Variants in LARP4B observed in about 807,000 individuals in gnomAD.
LARP4B encodes La ribonucleoprotein 4B.
Under a neutral mutation model 89.8 loss-of-function variants are expected in LARP4B, and 12 were observed. The ratio of observed to expected loss-of-function variants is 0.13; its 90% CI spans 0.09 to 0.22. The LOEUF (loss-of-function observed/expected upper bound fraction) is 0.22, where lower values mean the gene tolerates loss of function less well. Among genes scored for constraint, LARP4B ranks in the 10% least tolerant of loss-of-function variants. The pLI is 1.00. For synonymous variants in LARP4B, 367 were observed against 363.3 expected, an observed-to-expected ratio of 1.01 and a Z score of -0.12; for missense variants, 757 against 947.7, an observed-to-expected ratio of 0.80 and a Z score of 2.64.
intron 1 of LARP4B, among the ~76,000 whole-genome samples, chr10:893,789 T>C (rs1438234768): frequency 6.6e-6 from 1 of 152,052 alleles, no homozygotes; most frequent in African/African-American, 2.4e-5. Flanking sequence ...GGATTCCCAA[T>C]AGCCATGCAC....
chr10:871,082 G>C (rs1264577892), intron 3 of LARP4B, among the ~76,000 whole-genome samples: 3 of 152,180 alleles, frequency 2.0e-5, no homozygotes, highest in African/African-American at 7.2e-5. Context: ...TTTAGAATCT[G>C]ACTTGACAGT....
upstream of LARP4B, among the ~76,000 whole-genome samples, chr10:932,414 C>CA (rs1293442484): frequency 0.019 from 2,303 of 119,388 alleles, 5 homozygotes; most frequent in Non-Finnish European, 0.031. Context: ...ACCCCCGGGA[C>CA]CAAGGCCCCG....
intron 3 of LARP4B, among the ~76,000 whole-genome samples, chr10:871,589 A>C (rs138218633): frequency 1.8e-4 from 28 of 152,266 alleles, no homozygotes; most frequent in African/African-American, 6.0e-4. Flanking sequence ...GTCTGGCAGC[A>C]GGGGACTTCT....
chr10:982,371 G>A, the LARP4B span, among the ~76,000 whole-genome samples: 5 of 152,066 alleles, frequency 3.3e-5, no homozygotes, highest in Admixed American at 1.3e-4. Context: ...GATTACAGGC[G>A]TGAGACACTG....
chr10:847,250 C>G (rs938999891), intron 5 of LARP4B, among the ~76,000 whole-genome samples: 1 of 152,090 alleles, frequency 6.6e-6, no homozygotes, highest in African/African-American at 2.4e-5. Context: ...AGTGACCCAA[C>G]CATGCAAGAA....
chr10:852,062 GA>G (rs1165743432), intron 5 of LARP4B, among the ~76,000 whole-genome samples: 19 of 151,932 alleles, frequency 1.3e-4, no homozygotes, highest in African/African-American at 3.9e-4. Context: ...AAGACTCTGT[GA>G]GCAACTAAAC....
At chr10:949,703 G>C in the LARP4B span, among the ~76,000 whole-genome samples, 1 of 152,194 alleles carries the variant, frequency 6.6e-6, no homozygotes, top group Admixed American at 6.5e-5. Flanking sequence ...CACTATGTTC[G>C]GTGTCATTCT....
intron 5 of LARP4B, among the ~76,000 whole-genome samples, chr10:849,014 G>C (rs1833912714): frequency 6.6e-6 from 1 of 152,210 alleles, no homozygotes; most frequent in African/African-American, 2.4e-5. Context: ...CGGGCCACGA[G>C]AGAAACGGCG....
chr10:868,649 T>C (rs939441369), intron 3 of LARP4B, among the ~76,000 whole-genome samples: 6 of 152,234 alleles, frequency 3.9e-5, no homozygotes, highest in African/African-American at 1.4e-4. Context: ...CTTAAAGATG[T>C]AGTTTTATAC....
At chr10:857,208 C>G (rs1026557330) in intron 5 of LARP4B, among the ~76,000 whole-genome samples, 1 of 151,840 alleles carries the variant, frequency 6.6e-6, no homozygotes, top group African/African-American at 2.4e-5. Flanking sequence ...AATTATGAGA[C>G]AGGGAATTTA....
chr10:813,146 A>G lies in LARP4B; in HGVS notation c.1997T>C (p.Leu666Ser), dbSNP rs200987137. The G allele has an allele frequency of 1.2e-5, 19 of 1,613,946 alleles. No homozygotes were observed. Among genetic ancestry groups the G allele is most frequent in the Non-Finnish European group, 1.3e-5 (15 of 1,179,966 alleles). ...TGGCTTTTGTTCTTTTTGGGGTTGCAATGGGGAAGAAGGAGGCTCTTTACT... is the reference window on the plus strand; with the variant it reads ...TGGCTTTTGTTCTTTTTGGGGTTGCGATGGGGAAGAAGGAGGCTCTTTACT... ...RTSKEPPSSP[L>S]QPQKEQKPNT... The change falls in exon 18 of 18, where the codon TTG becomes TCG. Residue 666 changes from leucine (L) to serine (S), a missense_variant. Physicochemically the swap from Leu to Ser is moderately radical, Grantham distance 145. Coordinates refer to ENST00000316157, the MANE Select transcript of LARP4B (RefSeq NM_015155.3).
chr10:839,623 T>G (rs1390246688), intron 7 of LARP4B, among the ~76,000 whole-genome samples: 1 of 152,174 alleles, frequency 6.6e-6, no homozygotes, highest in African/African-American at 2.4e-5. Flanking sequence ...TTAGAAAACA[T>G]AAAATTAACA....
the LARP4B span, among the ~76,000 whole-genome samples, chr10:976,553 C>T: frequency 5.6e-5 from 7 of 125,200 alleles, no homozygotes; most frequent in Admixed American, 5.3e-4. Flanking sequence ...AGGTAGGTGC[C>T]GCGTAATGTG....
the LARP4B span, among the ~76,000 whole-genome samples, chr10:939,692 G>A: frequency 6.6e-6 from 1 of 152,176 alleles, no homozygotes; most frequent in Admixed American, 6.5e-5. Context: ...ATAAAGAAGA[G>A]GAATGAGTTG....
chr10:885,698 C>G lies in LARP4B; in HGVS notation c.24G>C (p.Lys8Asn). MTSDQDA[K>N]VVAEPQTQRV... ...TCTGCGTCTGCGGTTCAGCCACAAC[C>G]TTAGCGTCCTGATCAGAAGTCATGG... The change falls in exon 2 of 18, where the codon AAG (lysine) becomes AAC (asparagine). Residue 8 changes from lysine (K) to asparagine (N), a missense_variant. Physicochemically the swap from Lys to Asn is moderately conservative, Grantham distance 94 (BLOSUM62 0). Around this residue, in one of 5 missense-constraint regions of LARP4B, gnomAD observed 175 missense variants for 187.0 expected, o/e 0.94. Coordinates refer to ENST00000316157, the MANE Select transcript of LARP4B (RefSeq NM_015155.3). 1.9e-6 allele frequency: 3 copies of G among 1,614,150 alleles called. No homozygotes were observed. Among genetic ancestry groups the G allele is most frequent in the Non-Finnish European group, 2.5e-6 (3 of 1,180,006 alleles).
chr10:942,092 AT>A, the LARP4B span: 1 of 152,152 alleles, frequency 6.6e-6, no homozygotes. Context: ...CAAGGTATCT[AT>A]TTTTGCCTTA....
At chr10:900,352 A>G (rs1836301441) in intron 1 of LARP4B, among the ~76,000 whole-genome samples, 1 of 151,806 alleles carries the variant, frequency 6.6e-6, no homozygotes, top group African/African-American at 2.4e-5. Context: ...ATCTCAAAAA[A>G]TAAAAATAAA....
intron 1 of LARP4B, among the ~76,000 whole-genome samples, chr10:915,435 G>T (rs1175919419): frequency 6.6e-6 from 1 of 151,406 alleles, no homozygotes; most frequent in Non-Finnish European, 1.5e-5. Flanking sequence ...GAAAAAAAAA[G>T]ATTCTGTTGG....
intron 1 of LARP4B, among the ~76,000 whole-genome samples, chr10:910,700 C>T (rs1836643490): frequency 6.6e-6 from 1 of 152,234 alleles, no homozygotes; most frequent in African/African-American, 2.4e-5. Context: ...TCCACCTCTG[C>T]TCATGGCAGA....
Sources: allele counts gnomAD v4.1 joint callset (sites outside exome capture counted in the v4.1 genomes callset), GRCh38; gene constraint gnomAD v4.1.1; regional missense constraint gnomAD v4.1.1; transcripts MANE v1.5; gene names NCBI Gene and HGNC (gene_info 2026-07-23, HGNC 2026-07-21).